The following PRIMA1 variants were observed in gnomAD, a reference collection of about 807,000 sequenced individuals.
The protein encoded by PRIMA1 is proline rich membrane anchor 1.
A neutral mutation model predicts 17.5 loss-of-function variants in PRIMA1; 7 were observed. The ratio of observed to expected loss-of-function variants is 0.40; its 90% CI spans 0.23 to 0.75. The LOEUF is 0.75. Among genes scored for constraint, PRIMA1 ranks in the 30% least tolerant of loss-of-function variants. The pLI, the probability that PRIMA1 is intolerant of heterozygous loss-of-function variation, is 0.37. For synonymous variants in PRIMA1, 97 were observed against 77.9 expected (o/e 1.25, Z -1.29); for missense variants, 200 against 201.8 (o/e 0.99, Z 0.05).
At chr14:93,779,817 C>G (rs1382839695) in intron 2 of PRIMA1, among the ~76,000 whole-genome samples, 1 of 152,228 alleles carries the variant, frequency 6.6e-6, no homozygotes, top group Non-Finnish European at 1.5e-5. Flanking sequence ...GCAAGGCCCC[C>G]CTCTCTTGGG....
intron 3 of PRIMA1, among the ~76,000 whole-genome samples, chr14:93,751,501 C>CTGT (rs1367760502): frequency 1.3e-5 from 2 of 152,206 alleles, no homozygotes; most frequent in Non-Finnish European, 2.9e-5. Flanking sequence ...TACCAAGATG[C>CTGT]TGAAAGCTCC....
Position 93,737,341 on chromosome 14 carries a change from C to T in PRIMA1, c.259G>A (p.Glu87Lys), listed in dbSNP as rs2076156138. Residue 87 changes from glutamate to lysine, a missense_variant, in exon 4 of 5, where the codon GAA becomes AAA. Coordinates refer to ENST00000393140, the MANE Select transcript of PRIMA1 (RefSeq NM_178013.4). The part of the protein sequence containing the change: ...APNSTSCPTE[E>K]SWWSGLVIII... The stretch of plus-strand genomic sequence containing the variant: ...ATCACCAGCCCCGACCACCAGCTTT[C>T]CTCAGTGGGGCAAGAGGTAGAGTTG... The T allele has an allele frequency of 6.2e-7, 1 of 1,614,174 alleles. No homozygotes were observed. The highest frequency in any genetic ancestry group is 8.5e-7 in the Non-Finnish European group (1 of 1,180,030).
intron 2 of PRIMA1, among the ~76,000 whole-genome samples, chr14:93,786,972 T>C (rs1388917620): frequency 6.6e-6 from 1 of 152,202 alleles, no homozygotes; most frequent in Non-Finnish European, 1.5e-5. Flanking sequence ...AGAGCTGACA[T>C]CGAAGTCCAC....
chr14:93,786,412 G>A (rs963928889), intron 2 of PRIMA1, among the ~76,000 whole-genome samples: 4 of 152,170 alleles, frequency 2.6e-5, no homozygotes, highest in Non-Finnish European at 5.9e-5. Flanking sequence ...CCTGGCTATC[G>A]ATGGGCAGTC....
intron 3 of PRIMA1, among the ~76,000 whole-genome samples, chr14:93,752,977 C>CT (rs1228514995): frequency 6.6e-6 from 1 of 152,200 alleles, no homozygotes; most frequent in African/African-American, 2.4e-5. Context: ...CGCAGCATCC[C>CT]TGGCCTCTAC....
chr14:93,782,618 T>TCAAAA (rs941784666), intron 2 of PRIMA1, among the ~76,000 whole-genome samples: 7 of 152,246 alleles, frequency 4.6e-5, no homozygotes, highest in East Asian at 1.9e-4. Flanking sequence ...AGACCCTGCT[T>TCAAAA]CAAAACAAAA....
chr14:93,753,543 C>A (rs1381449933), intron 3 of PRIMA1, among the ~76,000 whole-genome samples: 1 of 152,094 alleles, frequency 6.6e-6, no homozygotes, highest in African/African-American at 2.4e-5. Flanking sequence ...AACTTGGGAG[C>A]AGGGAGCAGG....
At chr14:93,748,173 G>A (rs984228262) in intron 3 of PRIMA1, among the ~76,000 whole-genome samples, 1 of 152,116 alleles carries the variant, frequency 6.6e-6, no homozygotes, top group Non-Finnish European at 1.5e-5. Context: ...TGGCCCAGGC[G>A]AGGGGGAAGA....
chr14:93,733,235 T>A (rs1015871378), intron 4 of PRIMA1, among the ~76,000 whole-genome samples: 33 of 152,310 alleles, frequency 2.2e-4, no homozygotes, highest in African/African-American at 7.7e-4. Flanking sequence ...CCACCCCACC[T>A]GGCTACCAGG....
Position 93,787,780 on chromosome 14 carries a change from G to A in PRIMA1, c.-31-31C>T, listed in dbSNP as rs1043868403. The A allele has an allele frequency of 1.9e-5, 29 of 1,520,712 alleles. No homozygotes were observed. In the African/African-American group the frequency reaches 3.9e-4, roughly 20 times the overall value. 94.2% of individuals were successfully genotyped at this position (1,520,712 alleles called of 1,614,324 possible). A position where few individuals can be genotyped will look rare whatever the true frequency, so the allele number is the denominator to read the frequency against. Reference sequence around the variant, plus strand: ...AGGAGAGCAAGGCTAGGGTCAGGCGGACACCGCGCAGGCACTTCCGCCGCC... The same window carrying A: ...AGGAGAGCAAGGCTAGGGTCAGGCGAACACCGCGCAGGCACTTCCGCCGCC... On this transcript the variant is annotated intron_variant, in intron 1 of 4. Transcript: ENST00000393140.
intron 4 of PRIMA1, among the ~76,000 whole-genome samples, chr14:93,728,147 G>C (rs1034882150): frequency 2.0e-5 from 3 of 152,206 alleles, no homozygotes; most frequent in African/African-American, 7.2e-5. Context: ...TTCATTCACA[G>C]GTGGCTCCAC....
intron 3 of PRIMA1, among the ~76,000 whole-genome samples, chr14:93,768,580 G>T (rs1279532232): frequency 1.3e-5 from 2 of 152,158 alleles, no homozygotes; most frequent in Non-Finnish European, 2.9e-5. Flanking sequence ...CGAGGGCAGG[G>T]CTATGTTGAA....
chr14:93,730,919 G>T (rs982427022), intron 4 of PRIMA1, among the ~76,000 whole-genome samples: 2 of 152,176 alleles, frequency 1.3e-5, no homozygotes, highest in African/African-American at 4.8e-5. Flanking sequence ...GAGCCATATT[G>T]GGATCATCCA....
chr14:93,771,054 ATGTATG>A (rs1412546394), intron 3 of PRIMA1, among the ~76,000 whole-genome samples: 2 of 28,154 alleles, frequency 7.1e-5, no homozygotes, highest in Admixed American at 4.3e-4. Flanking sequence ...AAGTGAGTGC[ATGTATG>A]TGTGTGTGTG....
At chr14:93,730,011 G>T (rs772725126) in intron 4 of PRIMA1, among the ~76,000 whole-genome samples, 1 of 152,060 alleles carries the variant, frequency 6.6e-6, no homozygotes, top group Non-Finnish European at 1.5e-5. Flanking sequence ...AAAAGCAGAC[G>T]ATTTCACTCA....
intron 3 of PRIMA1, among the ~76,000 whole-genome samples, chr14:93,758,594 C>CAAAAAAAAA (rs34329291): frequency 6.1e-5 from 5 of 81,320 alleles, no homozygotes; most frequent in African/African-American, 2.0e-4. Flanking sequence ...GCAAGACTCT[C>CAAAAAAAAA]AAAAAAAAAA....
At chr14:93,787,348 C>T (rs527806300) in intron 2 of PRIMA1, among the ~76,000 whole-genome samples, 2 of 152,262 alleles carry the variant, frequency 1.3e-5, no homozygotes, top group South Asian at 2.1e-4. Context: ...GAATTTCTGC[C>T]CTAGAATGTT....
At chr14:93,724,049 T>TA (rs1242654065) in intron 4 of PRIMA1, among the ~76,000 whole-genome samples, 2 of 152,168 alleles carry the variant, frequency 1.3e-5, no homozygotes, top group Admixed American at 6.5e-5. Flanking sequence ...CAAGCCTGGC[T>TA]AAGTTTTAAA....
chr14:93,741,129 AC>A (rs1332891193), intron 3 of PRIMA1, among the ~76,000 whole-genome samples: 1 of 152,212 alleles, frequency 6.6e-6, no homozygotes, highest in Non-Finnish European at 1.5e-5. Flanking sequence ...ATTTTGTGAA[AC>A]CTAGTGAAGG....
Sources: gnomAD v4.1 joint callset for allele counts (sites outside exome capture counted in the v4.1 genomes callset) on GRCh38, gnomAD v4.1.1 for gene constraint, MANE v1.5 for transcripts, NCBI Gene and HGNC (gene_info 2026-07-23, HGNC 2026-07-21) for gene names.